The following ERCC6L2 variants were observed in gnomAD, a reference collection of about 807,000 sequenced individuals.
ERCC6L2 encodes ERCC excision repair 6 like 2.
ERCC6L2 carries 77 observed loss-of-function variants against 132.0 expected under a neutral mutation model. That is an observed-to-expected ratio of 0.58 (90% CI 0.49 to 0.71). ERCC6L2 has a LOEUF of 0.71. Ranked by LOEUF, ERCC6L2 falls within the 30% of genes least tolerant of loss-of-function variation. The pLI, the probability that ERCC6L2 is intolerant of heterozygous loss-of-function variation, is 0.00. For synonymous variants in ERCC6L2, 583 were observed against 632.4 expected (o/e 0.92, Z 1.17); for missense variants, 1,542 against 1,837.6 (o/e 0.84, Z 2.94).
intron 2 of ERCC6L2, 44 bp from the exon 3 acceptor site, chr9:95,897,805 A>G: frequency 6.3e-7 from 1 of 1,599,832 alleles, no homozygotes; most frequent in East Asian, 2.2e-5. Context: ...TTTGTACGTC[A>G]TGATACATTA....
chr9:95,884,753 G>C (rs1400484486), intron 2 of ERCC6L2, among the ~76,000 whole-genome samples: 1 of 152,176 alleles, frequency 6.6e-6, no homozygotes, highest in Non-Finnish European at 1.5e-5. Context: ...GGAGCTTTCA[G>C]ACACAAGCCA....
Position 95,897,802 on chromosome 9 carries a change from G to A in ERCC6L2, c.472-47G>A, listed in dbSNP as rs368088891. 75 of 1,594,640 alleles carry A rather than the reference G, an allele frequency of 4.7e-5. No individual in the cohort carries two copies. The African/African-American group carries it at 8.4e-4, about 18-fold the overall frequency. On this transcript the variant is annotated intron_variant, in intron 2 of 18. Transcript: ENST00000653738. ...TCATGTAAGCAGTGAAATTTTGTACGTCATGATACATTATACACAGTGATT... is the reference window on the plus strand; with the variant it reads ...TCATGTAAGCAGTGAAATTTTGTACATCATGATACATTATACACAGTGATT...
At chr9:95,967,560 G>C (rs1301214441) in intron 14 of ERCC6L2, 3 of 152,188 alleles carry the variant, frequency 2.0e-5, no homozygotes, top group Admixed American at 6.6e-5. Flanking sequence ...TAATAACCAT[G>C]CAATGTCAGG....
chr9:96,033,431 G>A (rs7847393), intron 19 of ERCC6L2, among the ~76,000 whole-genome samples: 40,261 of 151,956 alleles, frequency 0.26, 5,776 homozygotes, highest in East Asian at 0.37. Flanking sequence ...ATTTTCAGTG[G>A]AGACAGGTTT....
intron 11 of ERCC6L2, among the ~76,000 whole-genome samples, chr9:95,936,998 C>T (rs775209168): frequency 6.6e-6 from 1 of 152,122 alleles, no homozygotes; most frequent in Admixed American, 6.6e-5. Context: ...GATATGGATA[C>T]ACCACAGTTT....
At chr9:95,962,937 C>T (rs1340122150) in intron 13 of ERCC6L2, among the ~76,000 whole-genome samples, 3 of 152,242 alleles carry the variant, frequency 2.0e-5, no homozygotes, top group South Asian at 2.1e-4. Context: ...TGCACCTAAA[C>T]GTTACAGCAC....
intron 7 of ERCC6L2, 68 bp downstream of exon 7, chr9:95,921,383 A>T: frequency 7.9e-7 from 1 of 1,273,026 alleles, no homozygotes; most frequent in Non-Finnish European, 1.1e-6. Context: ...AGTGTAAAAG[A>T]AAGTAGCAGA....
chr9:95,908,589 A>G (rs1829194865), intron 4 of ERCC6L2, among the ~76,000 whole-genome samples: 2 of 152,174 alleles, frequency 1.3e-5, no homozygotes, highest in Admixed American at 1.3e-4. Context: ...TCACGGGACC[A>G]TGGTAGTGAG....
chr9:95,907,832 C>CACACACACACACACACACACACAA (rs1441173524), intron 4 of ERCC6L2, among the ~76,000 whole-genome samples: 3 of 137,526 alleles, frequency 2.2e-5, no homozygotes, highest in African/African-American at 8.4e-5. Context: ...AAACTACACA[C>CACACACACACACACACACACACAA]ACACACACAC....
intron 3 of ERCC6L2, among the ~76,000 whole-genome samples, chr9:95,903,164 A>G (rs1166703502): frequency 1.3e-5 from 2 of 151,962 alleles, no homozygotes; most frequent in Non-Finnish European, 2.9e-5. Context: ...TAGTAATCCA[A>G]TTTTATTTTC....
intron 9 of ERCC6L2, among the ~76,000 whole-genome samples, chr9:95,924,620 C>G (rs1211249075): frequency 6.6e-6 from 1 of 152,056 alleles, no homozygotes; most frequent in African/African-American, 2.4e-5. Context: ...TTCCCTGTGA[C>G]TCTTCACTAA....
At chr9:95,916,147 TGTA>T in intron 5 of ERCC6L2, 77 bp from the exon 6 acceptor site, 1 of 1,241,616 alleles carries the variant, frequency 8.1e-7, no homozygotes, top group East Asian at 2.4e-5. Flanking sequence ...AATCAAGTAA[TGTA>T]GTATATCTCT....
chr9:95,999,572 A>G (rs1219102550), intron 17 of ERCC6L2, among the ~76,000 whole-genome samples: 1 of 152,178 alleles, frequency 6.6e-6, no homozygotes, highest in Non-Finnish European at 1.5e-5. Flanking sequence ...ACCCAGAGTA[A>G]ACACGTAAAT....
chr9:96,029,910 T>C (rs1834432188), intron 19 of ERCC6L2, among the ~76,000 whole-genome samples: 1 of 152,234 alleles, frequency 6.6e-6, no homozygotes, highest in Non-Finnish European at 1.5e-5. Flanking sequence ...GGGCGTGCCT[T>C]TGCTTTGCAA....
At chr9:96,036,605 G>A (rs1834521347) in intron 19 of ERCC6L2, among the ~76,000 whole-genome samples, 1 of 152,076 alleles carries the variant, frequency 6.6e-6, no homozygotes, top group African/African-American at 2.4e-5. Context: ...TCTCCACGGA[G>A]GCTGCACCAT....
intron 6 of ERCC6L2, among the ~76,000 whole-genome samples, chr9:95,917,327 T>A: frequency 6.6e-6 from 1 of 152,222 alleles, no homozygotes. Context: ...TTCTTCATCT[T>A]GTGTTTCTTC....
intron 11 of ERCC6L2, among the ~76,000 whole-genome samples, chr9:95,930,941 A>G (rs531715817): frequency 7.2e-4 from 109 of 152,312 alleles, no homozygotes; most frequent in African/African-American, 2.3e-3. Context: ...AATGTTTTCA[A>G]TAAGCCCTGT....
At chr9:95,948,865 C>G (rs1831195295) in intron 12 of ERCC6L2, among the ~76,000 whole-genome samples, 1 of 149,948 alleles carries the variant, frequency 6.7e-6, no homozygotes, top group Non-Finnish European at 1.5e-5. Flanking sequence ...AAATAAATCT[C>G]TAGAAACTAA....
At chr9:95,880,545 G>C (rs1827533748) in intron 1 of ERCC6L2, among the ~76,000 whole-genome samples, 1 of 152,088 alleles carries the variant, frequency 6.6e-6, no homozygotes, top group East Asian at 1.9e-4. Context: ...AATAAAACCA[G>C]ATGCCCGTGA....
Sources: gnomAD v4.1 joint callset for allele counts (sites outside exome capture counted in the v4.1 genomes callset) on GRCh38, gnomAD v4.1.1 for gene constraint, MANE v1.5 for transcripts, NCBI Gene and HGNC (gene_info 2026-07-23, HGNC 2026-07-21) for gene names.